The following GXYLT2 variants were observed in gnomAD, a reference collection of about 807,000 sequenced individuals.
GXYLT2 encodes glycosyltransferase 8 domain containing 4.
In GXYLT2, 53 loss-of-function variants were observed where a neutral mutation model predicts 45.8. The observed-to-expected ratio is 1.16, with a 90% CI of 0.93 to 1.46. The LOEUF is 1.46. Among genes scored for constraint, GXYLT2 ranks in the 40% most tolerant of loss-of-function variants. GXYLT2 has a pLI of 0.00. For synonymous variants in GXYLT2, 219 were observed against 214.2 expected (o/e 1.02, Z -0.19); for missense variants, 551 against 544.4 (o/e 1.01, Z -0.12).
At chr3:72,911,410 T>C (rs1332045971) in intron 2 of GXYLT2, among the ~76,000 whole-genome samples, 1 of 152,204 alleles carries the variant, frequency 6.6e-6, no homozygotes, top group African/African-American at 2.4e-5. Flanking sequence ...CATGCTGGTA[T>C]ACTTCCCTCC....
chr3:72,954,960 A>G (rs925286576), intron 3 of GXYLT2, 138 bp from the exon 4 acceptor site: 6 of 780,500 alleles, frequency 7.7e-6, no homozygotes, highest in Non-Finnish European at 1.2e-5. Context: ...TAAGAGTGGT[A>G]CCTTTCCAGA....
At chr3:72,925,309 C>T (rs1709898232) in intron 3 of GXYLT2, among the ~76,000 whole-genome samples, 1 of 152,010 alleles carries the variant, frequency 6.6e-6, no homozygotes, top group Non-Finnish European at 1.5e-5. Context: ...GCGCATACCA[C>T]CATGCCCCGC....
intron 3 of GXYLT2, among the ~76,000 whole-genome samples, chr3:72,944,513 C>T (rs1161303838): frequency 6.6e-6 from 1 of 152,096 alleles, no homozygotes; most frequent in Non-Finnish European, 1.5e-5. Flanking sequence ...CCTCAGCCTC[C>T]AAAAGTGCTG....
At chr3:72,916,314 GAAAA>G (rs1056060484) in intron 2 of GXYLT2, among the ~76,000 whole-genome samples, 2 of 128,118 alleles carry the variant, frequency 1.6e-5, no homozygotes, top group Non-Finnish European at 3.4e-5. Context: ...CAAACTTTAG[GAAAA>G]AAAAAAAAGA....
intron 2 of GXYLT2, among the ~76,000 whole-genome samples, chr3:72,911,378 T>A: frequency 6.6e-6 from 1 of 152,224 alleles, no homozygotes; most frequent in African/African-American, 2.4e-5. Flanking sequence ...AGGCCCCCAA[T>A]GGTCCCACCT....
rs750769610 is a variant in GXYLT2 at position 72,922,337 on chromosome 3, T to C, written c.600+2T>C. On this transcript the variant is annotated splice_donor_variant, in intron 3 of 6. Transcript: ENST00000389617. LOFTEE classifies it high-confidence loss of function. ...GCTGCCCAGAGACTCTTTCTTCCGG[T>C]AGGAACACCTGTTTTTAATAAGTTG... 1 of 1,611,078 alleles carries C rather than the reference T, an allele frequency of 6.2e-7. No individual in the cohort carries two copies. Among genetic ancestry groups the C allele is most frequent in the Non-Finnish European group, 8.5e-7 (1 of 1,179,112 alleles).
chr3:72,943,186 AAGG>A (rs1386151487), intron 3 of GXYLT2, among the ~76,000 whole-genome samples: 3 of 152,196 alleles, frequency 2.0e-5, no homozygotes, highest in Non-Finnish European at 4.4e-5. Flanking sequence ...AAGGGGGAAA[AAGG>A]AGGACAGGGA....
chr3:72,910,762 G>T (rs967860405), intron 2 of GXYLT2, among the ~76,000 whole-genome samples: 3 of 152,200 alleles, frequency 2.0e-5, no homozygotes, highest in Non-Finnish European at 4.4e-5. Flanking sequence ...CCTCAGTGTG[G>T]CAGTGACACA....
chr3:72,922,385 T>C, intron 3 of GXYLT2, 50 bp downstream of exon 3: 2 of 1,569,482 alleles, frequency 1.3e-6, no homozygotes, highest in Non-Finnish European at 1.7e-6. Context: ...GGAAATAAGG[T>C]AAAATTAGCT....
At chr3:72,938,835 T>C (rs1367403548) in intron 3 of GXYLT2, among the ~76,000 whole-genome samples, 2 of 152,214 alleles carry the variant, frequency 1.3e-5, no homozygotes, top group Admixed American at 6.5e-5. Context: ...ACAAGTTTAA[T>C]GAGCCAGAAT....
intron 1 of GXYLT2, among the ~76,000 whole-genome samples, chr3:72,902,967 A>T (rs1490338565): frequency 2.0e-5 from 3 of 152,212 alleles, no homozygotes; most frequent in African/African-American, 7.2e-5. Flanking sequence ...AGCTGGGATC[A>T]CACCATTGCA....
At chr3:72,904,396 AT>A (rs1709465432) in intron 1 of GXYLT2, among the ~76,000 whole-genome samples, 1 of 152,180 alleles carries the variant, frequency 6.6e-6, no homozygotes, top group Admixed American at 6.5e-5. Flanking sequence ...AAAGCCTGAG[AT>A]TTTTCATGTA....
rs1710135245 is a variant in GXYLT2 at position 72,934,244 on chromosome 3, C to T, written c.600+11909C>T. Reference sequence around the variant, plus strand: ...GGACTGCAGGTGTGCACCACCATGCCAGGCTAATTTTTGTATTTTTTTGTA... The same window carrying T: ...GGACTGCAGGTGTGCACCACCATGCTAGGCTAATTTTTGTATTTTTTTGTA... On this transcript the variant is annotated intron_variant, in intron 3 of 6. Coordinates refer to ENST00000389617, the MANE Select transcript of GXYLT2 (RefSeq NM_001080393.2). Among the ~76,000 whole-genome samples the T allele has an allele frequency of 2.0e-5, 3 of 151,716 alleles. 1 individual carries two copies. The South Asian group carries it at 6.3e-4, about 32-fold the overall frequency.
Position 72,955,038 on chromosome 3 carries a change from C to A in GXYLT2, c.601-60C>A, listed in dbSNP as rs116313301. The A allele has an allele frequency of 2.5e-3, 3,974 of 1,564,900 alleles. 104 individuals are homozygous for A. The African/African-American group carries it at 0.048, about 19-fold the overall frequency. ...TCAGGCTACTTCCTTTGTTTCTGAC[C>A]TGTTTTTGTTTTGTTTTCTTCCCTC... is the stretch of plus-strand genomic sequence containing the variant. On this transcript the variant is annotated intron_variant, in intron 3 of 6. Transcript: ENST00000389617.
At chr3:72,955,654 A>G (rs1181923198) in intron 4 of GXYLT2, among the ~76,000 whole-genome samples, 1 of 152,180 alleles carries the variant, frequency 6.6e-6, no homozygotes, top group African/African-American at 2.4e-5. Context: ...AATTTCTTCA[A>G]ATTACCCTAG....
intron 2 of GXYLT2, among the ~76,000 whole-genome samples, chr3:72,914,527 A>G (rs564672703): frequency 0.032 from 4,862 of 149,874 alleles, 100 homozygotes; most frequent in Middle Eastern, 0.12. Context: ...TTACATATAT[A>G]TGTGTGTGTG....
At chr3:72,895,573 T>G (rs990629902) in intron 1 of GXYLT2, among the ~76,000 whole-genome samples, 6 of 152,238 alleles carry the variant, frequency 3.9e-5, no homozygotes, top group African/African-American at 1.4e-4. Context: ...TTAGGAATAC[T>G]TCATTTATAA....
At position 72,948,804 on chromosome 3, in the gene GXYLT2, T is replaced by C. The variant is rs186862255; in HGVS notation, c.601-6294T>C. On this transcript the variant is annotated intron_variant, in intron 3 of 6. Coordinates refer to ENST00000389617, the MANE Select transcript of GXYLT2 (RefSeq NM_001080393.2). ...GTGCGCCAAGATCATGCCACTGCAC[T>C]CCAGCCTGGTGACAGAGCAAGATTC... 3.8e-3 allele frequency among the ~76,000 whole-genome samples: 509 copies of C among 134,796 alleles called. 5 individuals carry two copies. Among genetic ancestry groups the C allele is most frequent in the African/African-American group, 0.013 (466 of 35,042 alleles). 88.4% of individuals were successfully genotyped at this position (134,796 alleles called of 152,430 possible).
rs1477994570 is a variant in GXYLT2, at chr3:72,901,650, T to G, written c.276-6717T>G. 3.1e-5 allele frequency among the ~76,000 whole-genome samples: 4 copies of G among 129,436 alleles called. No homozygotes were observed. In the East Asian group the frequency reaches 8.1e-4, roughly 26 times the overall value. 84.9% of individuals were successfully genotyped at this position (129,436 alleles called of 152,430 possible). A position where few individuals can be genotyped will look rare whatever the true frequency, so the allele number is the denominator to read the frequency against. On this transcript the variant is annotated intron_variant, in intron 1 of 6. Transcript: ENST00000389617. ...ATCTCAGCTCACTGCAAGCTCCGCCTCCTGGGTTCAAGCAATTCTCCTGCC... is the reference window on the plus strand; with the variant it reads ...ATCTCAGCTCACTGCAAGCTCCGCCGCCTGGGTTCAAGCAATTCTCCTGCC...
Sources: allele counts gnomAD v4.1 joint callset (sites outside exome capture counted in the v4.1 genomes callset), GRCh38; gene constraint gnomAD v4.1.1; transcripts MANE v1.5; gene names NCBI Gene and HGNC (gene_info 2026-07-23, HGNC 2026-07-21).